The following AMZ1 variants were observed in gnomAD, a reference collection of about 807,000 sequenced individuals.
AMZ1 encodes archaemetzincin-1.
A neutral mutation model predicts 29.9 loss-of-function variants in AMZ1; 39 were observed. That is an observed-to-expected ratio of 1.30 (90% CI 1.01 to 1.70). The LOEUF (loss-of-function observed/expected upper bound fraction) is 1.70, where lower values mean the gene tolerates loss of function less well. AMZ1 is among the 40% of genes most tolerant of loss of function. The pLI is 0.00. For synonymous variants in AMZ1, 458 were observed against 304.0 expected, an observed-to-expected ratio of 1.51 and a Z score of -5.27; for missense variants, 1,041 against 680.6, an observed-to-expected ratio of 1.53 and a Z score of -5.89.
At chr7:2,703,649 G>A (rs798468) in intron 3 of AMZ1, among the ~76,000 whole-genome samples, 33,875 of 152,030 alleles carry the variant, frequency 0.22, 3,980 homozygotes, top group Admixed American at 0.27. Context: ...TTTAGGGAGG[G>A]CCTCAAAGGG....
intron 2 of AMZ1, among the ~76,000 whole-genome samples, chr7:2,701,411 C>T (rs1218784505): frequency 1.3e-5 from 2 of 152,206 alleles, no homozygotes; most frequent in African/African-American, 2.4e-5. Flanking sequence ...CATCCTGATG[C>T]TATAGTGGGA....
chr7:2,748,259 ATAC>A (rs1583230671), intron 4 of AMZ1, among the ~76,000 whole-genome samples: 1 of 152,038 alleles, frequency 6.6e-6, no homozygotes, highest in African/African-American at 2.4e-5. Context: ...ACTTCAAACT[ATAC>A]TACAAGGCTA....
Position 2,718,404 on chromosome 7 carries a change from A to G in AMZ1, c.*5526A>G, listed in dbSNP as rs892244244. On this transcript the variant is annotated 3_prime_UTR_variant, in exon 7 of 7. Transcript: ENST00000683327. The stretch of plus-strand genomic sequence containing the variant: ...TCGAGTCCAAGACCATCTCCCGTTC[A>G]AGGGCCCTCACCGCGCTTTGTGAGT... Among the ~76,000 whole-genome samples the G allele has an allele frequency of 6.6e-6, 1 of 152,192 alleles. No homozygotes were observed. Among genetic ancestry groups the G allele is most frequent in the African/African-American group, 2.4e-5 (1 of 41,456 alleles).
intron 1 of AMZ1, among the ~76,000 whole-genome samples, chr7:2,696,844 C>G (rs1317752885): frequency 6.6e-6 from 1 of 152,108 alleles, no homozygotes; most frequent in African/African-American, 2.4e-5. Flanking sequence ...AAAGATCGTG[C>G]TACTGCACTC....
At chr7:2,762,782 C>T, upstream of AMZ1, 1 of 1,543,470 alleles carries the variant, frequency 6.5e-7, no homozygotes, top group South Asian at 1.2e-5. Flanking sequence ...CCAGGCTGTA[C>T]AAAAGGGAGG....
Position 2,726,405 on chromosome 7 carries a change from C to A in AMZ1, n.550+16589C>A, listed in dbSNP as rs1789618187. Among the ~76,000 whole-genome samples the A allele has an allele frequency of 2.6e-5, 4 of 152,304 alleles. No individual in the cohort carries two copies. In the South Asian group the frequency reaches 8.3e-4, roughly 32 times the overall value. ...CTGTCAACCCTGGCTGACATCAGAA[C>A]CGCCTGGGACATGGAGAAACCTGTA... On this transcript the variant is annotated intron_variant and non_coding_transcript_variant, in intron 4 of 4. Coordinates refer to the AMZ1 transcript ENST00000489665.
downstream of AMZ1, among the ~76,000 whole-genome samples, chr7:2,720,979 C>T (rs531992063): frequency 1.3e-4 from 20 of 152,300 alleles, no homozygotes; most frequent in African/African-American, 2.2e-4. Context: ...ACGCCCAGCC[C>T]GTTATTTCTG....
intron 4 of AMZ1, among the ~76,000 whole-genome samples, chr7:2,754,574 C>G (rs530044233): frequency 7.1e-6 from 1 of 140,792 alleles, no homozygotes; most frequent in African/African-American, 2.7e-5. Context: ...GAGACCTCAT[C>G]TCTACTTTAA....
chr7:2,741,483 G>A (rs1323732974), intron 4 of AMZ1, among the ~76,000 whole-genome samples: 2 of 152,192 alleles, frequency 1.3e-5, no homozygotes, highest in African/African-American at 4.8e-5. Context: ...CAGTTGGACT[G>A]CCTGTTAGCT....
rs1240528822 is a variant in AMZ1, at chr7:2,718,161, A to G, written c.*5283A>G. Among the ~76,000 whole-genome samples the G allele has an allele frequency of 6.6e-6, 1 of 152,138 alleles. No individual in the cohort carries two copies. The highest frequency in any genetic ancestry group is 1.5e-5 in the Non-Finnish European group (1 of 68,022). ...CGATGCCTGCTCCCTGGGCTTTTTA[A>G]TGAACGCACTTCTGTCACATGGAAA... On this transcript the variant is annotated 3_prime_UTR_variant, in exon 7 of 7. Coordinates refer to ENST00000683327, the MANE Select transcript of AMZ1 (RefSeq NM_001384743.1).
rs7776970 is a variant in AMZ1, at chr7:2,712,853, G to T, written c.1472G>T (p.Arg491Leu). The T allele has an allele frequency of 4.6e-6, 7 of 1,523,184 alleles. No homozygotes were observed. The South Asian group carries it at 9.1e-5, about 20-fold the overall frequency. 94.4% of individuals were successfully genotyped at this position (1,523,184 alleles called of 1,614,324 possible). ...CTCGCCAGAGCAGAGTCGGCCCCCC[G>T]TCCCTGGGATGGGGAAGAGAGTTAG... ...RKLARAESAP[R>L]PWDGEES is the part of the protein sequence containing the mutation. Residue 491 changes from arginine to leucine, a missense_variant, in exon 7 of 7, where the codon CGT becomes CTT. By Grantham distance (102) the Arg-to-Leu change is moderately radical. Coordinates refer to ENST00000683327, the MANE Select transcript of AMZ1 (RefSeq NM_001384743.1).
downstream of AMZ1, among the ~76,000 whole-genome samples, chr7:2,720,778 C>T (rs940580352): frequency 3.9e-5 from 6 of 152,092 alleles, no homozygotes; most frequent in African/African-American, 1.2e-4. Context: ...TGGGCTCAAG[C>T]GACTCTCCTG....
intron 1 of AMZ1, chr7:2,765,096 A>G (rs917104512): frequency 6.6e-6 from 1 of 152,178 alleles, no homozygotes; most frequent in Non-Finnish European, 1.5e-5. Flanking sequence ...TTAATCCTTG[A>G]CATTCATAAT....
At chr7:2,750,111 C>G (rs1248708433) in intron 4 of AMZ1, among the ~76,000 whole-genome samples, 2 of 152,190 alleles carry the variant, frequency 1.3e-5, no homozygotes, top group Non-Finnish European at 2.9e-5. Context: ...CCACACACTT[C>G]TGAATAATCC....
upstream of AMZ1, chr7:2,762,569 T>G (rs746172140): frequency 6.9e-7 from 1 of 1,451,708 alleles, no homozygotes; most frequent in Non-Finnish European, 9.2e-7. Flanking sequence ...CAATGACATT[T>G]CCTGAAAATT....
chr7:2,705,311 C>T lies in AMZ1; in HGVS notation c.472+2422C>T, dbSNP rs117268984. Among the ~76,000 whole-genome samples, 816 of 152,294 alleles carry T rather than the reference C, an allele frequency of 5.4e-3. 6 individuals carry two copies. Among genetic ancestry groups the T allele is most frequent in the Non-Finnish European group, 8.9e-3 (606 of 68,018 alleles). ...AGGGTCATCCTGCCCACTCCCCCAC[C>T]CCAGAAACAGTCCAGCTTCATCTGT... On this transcript the variant is annotated intron_variant, in intron 3 of 6. Transcript: ENST00000683327.
chr7:2,703,527 C>G (rs866714047), intron 3 of AMZ1, among the ~76,000 whole-genome samples: 5 of 152,182 alleles, frequency 3.3e-5, no homozygotes, highest in Non-Finnish European at 5.9e-5. Context: ...TCTCAACCCT[C>G]AAGCCCTTGC....
intron 4 of AMZ1, among the ~76,000 whole-genome samples, chr7:2,745,781 C>T (rs1316089901): frequency 2.6e-5 from 4 of 152,130 alleles, no homozygotes; most frequent in East Asian, 1.9e-4. Context: ...ACCCATCTCA[C>T]GTGCAGAGAC....
rs1446793237 is a variant in AMZ1, at chr7:2,748,853, C to G, written n.551-15859C>G. Among the ~76,000 whole-genome samples the G allele has an allele frequency of 3.8e-3, 576 of 152,174 alleles. 18 individuals are homozygous for G. Among genetic ancestry groups the G allele is most frequent in the Admixed American group, 0.036 (552 of 15,280 alleles). ...ACCCCATCAAAAAGTGGGCAAAGGA[C>G]ATGAACAGACACTTCTCAAAAAAAG... On this transcript the variant is annotated intron_variant and non_coding_transcript_variant, in intron 4 of 4. Coordinates refer to the AMZ1 transcript ENST00000489665.
Sources: gnomAD v4.1 joint callset for allele counts (sites outside exome capture counted in the v4.1 genomes callset) on GRCh38, gnomAD v4.1.1 for gene constraint, MANE v1.5 for transcripts, NCBI Gene and HGNC (gene_info 2026-07-23, HGNC 2026-07-21) for gene names.